VPS13D: variants seen among roughly 807,000 people sequenced by gnomAD.
The protein encoded by VPS13D is vacuolar protein sorting 13 homolog D, also known as intermembrane lipid transfer protein VPS13D.
VPS13D carries 187 observed loss-of-function variants against 461.9 expected under a neutral mutation model. That is an observed-to-expected ratio of 0.40 (90% CI 0.36 to 0.46). VPS13D has a LOEUF of 0.46. Among genes scored for constraint, VPS13D ranks in the 20% least tolerant of loss-of-function variants. The probability of loss-of-function intolerance (pLI) is 0.60; values close to 1 mark genes in which losing one functional copy is unlikely to be tolerated. For synonymous variants in VPS13D, 1,951 were observed against 1,986.3 expected, an observed-to-expected ratio of 0.98 and a Z score of 0.47; for missense variants, 4,711 against 5,364.9, an observed-to-expected ratio of 0.88 and a Z score of 3.81.
At chr1:12,292,857 G>A (rs1307238297) in intron 23 of VPS13D, among the ~76,000 whole-genome samples, 1 of 152,086 alleles carries the variant, frequency 6.6e-6, no homozygotes, top group African/African-American at 2.4e-5. Context: ...GCTGAGAATG[G>A]ATTTGTTTGT....
At chr1:12,354,321 C>A in intron 47 of VPS13D, 100 bp downstream of exon 47, 1 of 1,406,276 alleles carries the variant, frequency 7.1e-7, no homozygotes, top group Non-Finnish European at 9.6e-7. Context: ...GAAATTGGGG[C>A]ACATATAATA....
intron 60 of VPS13D, among the ~76,000 whole-genome samples, chr1:12,394,999 A>G (rs1644476184): frequency 6.6e-6 from 1 of 152,104 alleles, no homozygotes; most frequent in African/African-American, 2.4e-5. Context: ...GAGAACTCAA[A>G]CAGTTCTTTT....
intron 23 of VPS13D, among the ~76,000 whole-genome samples, chr1:12,291,692 T>G (rs1385814104): frequency 6.6e-6 from 1 of 152,186 alleles, no homozygotes; most frequent in Non-Finnish European, 1.5e-5. Flanking sequence ...AGCCCTGGGC[T>G]CTCTTGCTGG....
intron 14 of VPS13D, 34 bp downstream of exon 14, chr1:12,267,045 AG>A: frequency 6.7e-7 from 1 of 1,494,088 alleles, no homozygotes; most frequent in Non-Finnish European, 8.9e-7. Flanking sequence ...AATGTATCTA[AG>A]GTGTTGGTAA....
intron 53 of VPS13D, 127 bp from the exon 54 acceptor site, chr1:12,369,340 G>C: frequency 1.2e-6 from 1 of 813,560 alleles, no homozygotes; most frequent in South Asian, 1.7e-5. Flanking sequence ...AATTTCACTG[G>C]GGCTTATTTC....
intron 19 of VPS13D, among the ~76,000 whole-genome samples, chr1:12,278,664 T>G (rs1489636626): frequency 6.6e-6 from 1 of 152,216 alleles, no homozygotes; most frequent in African/African-American, 2.4e-5. Flanking sequence ...TGTTAAAGTA[T>G]TGTTTAATTT....
rs1251112235 is a variant in VPS13D at position 12,354,332 on chromosome 1, T to C, written c.9679+111T>C. ...TGGAGAAATTGGGGCACATATAATA[T>C]CTCAATAAGCCAGCTCAAAGGAATC... is the stretch of plus-strand genomic sequence containing the variant. On this transcript the variant is annotated intron_variant, in intron 47 of 69. Coordinates refer to ENST00000620676, the MANE Select transcript of VPS13D (RefSeq NM_015378.4). The C allele has an allele frequency of 3.0e-6, 4 of 1,336,556 alleles. No individual in the cohort carries two copies. The African/African-American group carries it at 4.4e-5, about 15-fold the overall frequency. 82.8% of individuals were successfully genotyped at this position (1,336,556 alleles called of 1,614,324 possible).
At chr1:12,491,971 C>T (rs993120766) in intron 67 of VPS13D, among the ~76,000 whole-genome samples, 1 of 152,220 alleles carries the variant, frequency 6.6e-6, no homozygotes, top group African/African-American at 2.4e-5. Context: ...GCTGCATGTG[C>T]GCTGAACAGA....
chr1:12,249,620 A>G (rs1569672552), intron 6 of VPS13D: 3 of 236,052 alleles, frequency 1.3e-5, no homozygotes, highest in East Asian at 2.1e-4. Context: ...CGTGTTATGT[A>G]CACTCCCTGG....
rs940031567 is a variant in VPS13D, at chr1:12,388,392, T to A, written c.11634+2058T>A. Among the ~76,000 whole-genome samples the A allele has an allele frequency of 5.9e-5, 9 of 152,084 alleles. 1 individual carries two copies. In the Middle Eastern group the frequency reaches 0.01, roughly 174 times the overall value. On this transcript the variant is annotated intron_variant, in intron 60 of 69. Coordinates refer to ENST00000620676, the MANE Select transcript of VPS13D (RefSeq NM_015378.4). ...GAGTTCGGGACCAGCCTGGCCAACG[T>A]GGTGAAACCCCATCTCTACTAAAAA...
At chr1:12,410,226 C>G (rs1169638916) in intron 63 of VPS13D, among the ~76,000 whole-genome samples, 1 of 152,288 alleles carries the variant, frequency 6.6e-6, no homozygotes, top group East Asian at 1.9e-4. Context: ...AGCTAAGAGG[C>G]TGAAGAACTT....
At chr1:12,321,455 T>A (rs1643032958) in intron 32 of VPS13D, among the ~76,000 whole-genome samples, 1 of 152,200 alleles carries the variant, frequency 6.6e-6, no homozygotes, top group Non-Finnish European at 1.5e-5. Flanking sequence ...ATTGAGTAGA[T>A]GTGATATAAC....
intron 60 of VPS13D, among the ~76,000 whole-genome samples, chr1:12,394,901 A>T (rs1032119624): frequency 2.6e-5 from 4 of 152,168 alleles, no homozygotes; most frequent in African/African-American, 9.7e-5. Flanking sequence ...ATAAATCCTG[A>T]TCCAACCCTA....
intron 66 of VPS13D, among the ~76,000 whole-genome samples, chr1:12,459,468 CTTTCT>C (rs1304663529): frequency 6.7e-6 from 1 of 148,864 alleles, no homozygotes; most frequent in African/African-American, 2.5e-5. Flanking sequence ...CCTTAGATAT[CTTTCT>C]TTTCTTTTCT....
intron 67 of VPS13D, among the ~76,000 whole-genome samples, chr1:12,475,420 G>A (rs1039961436): frequency 4.6e-5 from 7 of 152,322 alleles, no homozygotes; most frequent in African/African-American, 1.7e-4. Context: ...TCCTAGGGCT[G>A]GCTCTGCCAT....
intron 24 of VPS13D, among the ~76,000 whole-genome samples, chr1:12,297,594 T>TATAA (rs1260249028): frequency 1.3e-5 from 2 of 152,200 alleles, no homozygotes; most frequent in Non-Finnish European, 2.9e-5. Flanking sequence ...AGCCTGTACT[T>TATAA]TTGGCAATAA....
At chr1:12,479,637 T>C (rs1248947461) in intron 67 of VPS13D, among the ~76,000 whole-genome samples, 1 of 152,184 alleles carries the variant, frequency 6.6e-6, no homozygotes, top group Non-Finnish European at 1.5e-5. Flanking sequence ...ATGTGGACCC[T>C]GGCCAACTGA....
chr1:12,335,688 TG>T lies in VPS13D; in HGVS notation c.8429-12del. 2 of 1,598,762 alleles carry T rather than the reference TG, an allele frequency of 1.3e-6. No individual in the cohort carries two copies. The highest frequency in any genetic ancestry group is 2.2e-5 in the East Asian group (1 of 44,626). ...TCTTTTTTAGTTCTCTTAATATCTC[TG>T]GGGGATTCTTTCTAGACCAGTATGT... is the stretch of plus-strand genomic sequence containing the variant. On this transcript the variant is annotated splice_polypyrimidine_tract_variant and intron_variant, in intron 38 of 69. Coordinates refer to ENST00000620676, the MANE Select transcript of VPS13D (RefSeq NM_015378.4).
chr1:12,314,247 G>T lies in VPS13D; in HGVS notation c.7068G>T (p.Thr2356=), dbSNP rs756197971. The stretch of plus-strand genomic sequence containing the variant: ...GGCAGAAGACCAGCCCTGGCATGAC[G>T]AATGTGTTCAGCTGTATCTTTCAGC... ...YAGQKTSPGM[T]NVFSCIFQPA... is the part of the protein sequence containing the mutation. Residue 2356 remains threonine, a synonymous_variant, in exon 30 of 70, where the codon ACG becomes ACT. Transcript: ENST00000620676. The T allele has an allele frequency of 1.9e-6, 3 of 1,614,092 alleles. No homozygotes were observed. The highest frequency in any genetic ancestry group is 2.5e-6 in the Non-Finnish European group (3 of 1,180,012).
Sources: gnomAD v4.1 joint callset for allele counts (sites outside exome capture counted in the v4.1 genomes callset) on GRCh38, gnomAD v4.1.1 for gene constraint, MANE v1.5 for transcripts, NCBI Gene and HGNC (gene_info 2026-07-23, HGNC 2026-07-21) for gene names.